SIRT4: variants seen among roughly 807,000 people sequenced by gnomAD.
The protein encoded by SIRT4 is NAD-dependent protein lipoamidase sirtuin-4, mitochondrial.
SIRT4 carries 23 observed loss-of-function variants against 26.1 expected under a neutral mutation model. The ratio of observed to expected loss-of-function variants is 0.88; its 90% CI spans 0.63 to 1.25. SIRT4 has a LOEUF of 1.25. Among genes scored for constraint, SIRT4 ranks in the 50% most tolerant of loss-of-function variants. The pLI is 0.00. For synonymous variants in SIRT4, 155 were observed against 158.4 expected (o/e 0.98, Z 0.16); for missense variants, 361 against 405.4 (o/e 0.89, Z 0.94).
At chr12:120,295,417 T>TATA in the SIRT4 span, among the ~76,000 whole-genome samples, 10 of 69,730 alleles carry the variant, frequency 1.4e-4, no homozygotes, top group South Asian at 1.0e-3. Context: ...TATATATAGA[T>TATA]AATTTTTTTT....
intron 2 of SIRT4, among the ~76,000 whole-genome samples, chr12:120,306,052 A>G (rs1025335605): frequency 1.3e-5 from 2 of 151,742 alleles, no homozygotes; most frequent in African/African-American, 2.4e-5. Context: ...TGTGTCCACC[A>G]GGGTGCTGTG....
chr12:120,305,989 GTGA>G (rs1872730793), intron 2 of SIRT4, among the ~76,000 whole-genome samples: 1 of 150,074 alleles, frequency 6.7e-6, no homozygotes, highest in African/African-American at 2.4e-5. Flanking sequence ...TCCAGCCTGG[GTGA>G]CAGAGCGAGA....
chr12:120,310,173 T>C lies in SIRT4; in HGVS notation c.498-2283T>C, dbSNP rs531612444. ...GGCTAGGCGTGGTGGCTCACGTCTGTAGTCTCAGCACTTTGGGAGGCCGAG... is the reference window on the plus strand; with the variant it reads ...GGCTAGGCGTGGTGGCTCACGTCTGCAGTCTCAGCACTTTGGGAGGCCGAG... On this transcript the variant is annotated intron_variant, in intron 2 of 3. Coordinates refer to ENST00000202967, the MANE Select transcript of SIRT4 (RefSeq NM_012240.3). 2.8e-4 allele frequency among the ~76,000 whole-genome samples: 43 copies of C among 152,160 alleles called. No individual in the cohort carries two copies. The South Asian group carries it at 8.5e-3, about 30-fold the overall frequency.
chr12:120,312,628 G>A lies in SIRT4; in HGVS notation c.670G>A (p.Gly224Arg). ...TCAGGTCCCAACCTGCGTTCAATGT[G>A]GAGGCCATCTGAAACCAGATGTCGT... ...SFQVPTCVQC[G>R]GHLKPDVVFF... The change falls in exon 3 of 4, where the codon GGA becomes AGA. Residue 224 changes from glycine to arginine, a missense_variant. Coordinates refer to ENST00000202967, the MANE Select transcript of SIRT4 (RefSeq NM_012240.3). The A allele has an allele frequency of 6.2e-7, 1 of 1,614,138 alleles. No homozygotes were observed. Among genetic ancestry groups the A allele is most frequent in the African/African-American group, 1.3e-5 (1 of 75,038 alleles).
rs1247774649 is a variant in SIRT4 at position 120,308,680 on chromosome 12, C to T, written c.498-3776C>T. On this transcript the variant is annotated intron_variant, in intron 2 of 3. Coordinates refer to ENST00000202967, the MANE Select transcript of SIRT4 (RefSeq NM_012240.3). ...ATCATGGTTACATTTGAAAATCAGG[C>T]AGTGCAGTTGGGTCTGCTGTGAGAC... Among the ~76,000 whole-genome samples, 3 of 152,224 alleles carry T rather than the reference C, an allele frequency of 2.0e-5. No homozygotes were observed. The South Asian group carries it at 6.2e-4, about 32-fold the overall frequency.
chr12:120,307,785 G>C (rs1340743987), intron 2 of SIRT4, among the ~76,000 whole-genome samples: 1 of 151,982 alleles, frequency 6.6e-6, no homozygotes, highest in Non-Finnish European at 1.5e-5. Flanking sequence ...TTGAACCCGG[G>C]AGGCAGAGGT....
the SIRT4 span, among the ~76,000 whole-genome samples, chr12:120,296,086 C>CA: frequency 0.66 from 26,491 of 39,978 alleles, 11,375 homozygotes; most frequent in African/African-American, 0.78. Flanking sequence ...GACTCCGTCT[C>CA]AAAAAAAAAA....
upstream of SIRT4, among the ~76,000 whole-genome samples, chr12:120,297,789 G>A (rs891263715): frequency 4.6e-5 from 7 of 152,080 alleles, no homozygotes; most frequent in African/African-American, 1.7e-4. Context: ...TTGGTGAATG[G>A]GGAAGGAGAA....
At chr12:120,297,337 AAAAAG>A (rs1242481217), upstream of SIRT4, among the ~76,000 whole-genome samples, 6 of 148,460 alleles carry the variant, frequency 4.0e-5, 1 homozygote, top group Middle Eastern at 7.0e-3. Flanking sequence ...AAAAAAAAAA[AAAAAG>A]AGAGAGAGAA....
chr12:120,309,160 C>T (rs936172328), intron 2 of SIRT4, among the ~76,000 whole-genome samples: 2 of 151,954 alleles, frequency 1.3e-5, no homozygotes, highest in South Asian at 4.2e-4. Flanking sequence ...CCAGCCTGGG[C>T]GACAAGAGTG....
chr12:120,306,750 C>T (rs1768824372), intron 2 of SIRT4, among the ~76,000 whole-genome samples: 1 of 152,160 alleles, frequency 6.6e-6, no homozygotes, highest in African/African-American at 2.4e-5. Flanking sequence ...TTGCAGTGAG[C>T]CAAGATTGTG....
chr12:120,295,495 C>T, the SIRT4 span, among the ~76,000 whole-genome samples: 2 of 145,264 alleles, frequency 1.4e-5, no homozygotes, highest in African/African-American at 5.1e-5. Flanking sequence ...CTCCTGACCT[C>T]AAGTGATCTG....
chr12:120,293,095 A>G, the SIRT4 span: 7 of 152,124 alleles, frequency 4.6e-5, no homozygotes, highest in African/African-American at 1.4e-4. Context: ...AAGAAAATTC[A>G]GTCTCCGTAG....
In SIRT4 at chr12:120,303,592, T is replaced by G; in HGVS notation, c.31T>G (p.Ser11Ala). 1 of 1,613,410 alleles carries G rather than the reference T, an allele frequency of 6.2e-7. No homozygotes were observed. Among genetic ancestry groups the G allele is most frequent in the Non-Finnish European group, 8.5e-7 (1 of 1,179,882 alleles). Residue 11 changes from serine to alanine, a missense_variant, in exon 2 of 4, where the codon TCA (serine) becomes GCA (alanine). Transcript: ENST00000202967. MKMSFALTFR[S>A]AKGRWIANPS... is the part of the protein sequence containing the mutation. ...GATGAGCTTTGCGTTGACTTTCAGG[T>G]CAGCAAAAGGCCGTTGGATCGCAAA...
intron 2 of SIRT4, among the ~76,000 whole-genome samples, chr12:120,310,098 C>T (rs1033387888): frequency 4.6e-5 from 7 of 151,952 alleles, no homozygotes; most frequent in Non-Finnish European, 1.0e-4. Context: ...CTCCCTGTAA[C>T]CTAGAACTCC....
chr12:120,292,648 A>G, the SIRT4 span, among the ~76,000 whole-genome samples: 1 of 151,838 alleles, frequency 6.6e-6, no homozygotes, highest in East Asian at 1.9e-4. Context: ...AGCTGGCAAG[A>G]AAAGTCAACA....
At chr12:120,292,947 A>G in the SIRT4 span, 2 of 152,192 alleles carry the variant, frequency 1.3e-5, no homozygotes, top group Non-Finnish European at 2.9e-5. Flanking sequence ...AAACAGGTAA[A>G]CTTGCAGGTG....
chr12:120,298,256 T>C (rs557088690), upstream of SIRT4, among the ~76,000 whole-genome samples: 4 of 147,546 alleles, frequency 2.7e-5, no homozygotes, highest in South Asian at 6.5e-4. Context: ...CCCCGCCTAG[T>C]AGATCCTACA....
intron 2 of SIRT4, among the ~76,000 whole-genome samples, chr12:120,311,094 C>T (rs1239515180): frequency 6.9e-6 from 1 of 144,686 alleles, no homozygotes; most frequent in Non-Finnish European, 1.5e-5. Context: ...CGCAGTGGCT[C>T]ATGCCTGTAA....
Sources: allele counts gnomAD v4.1 joint callset (sites outside exome capture counted in the v4.1 genomes callset), GRCh38; gene constraint gnomAD v4.1.1; transcripts MANE v1.5; gene names NCBI Gene and HGNC (gene_info 2026-07-23, HGNC 2026-07-21).